Variants in MTHFS observed in about 807,000 individuals in gnomAD.
The protein encoded by MTHFS is 5-formyltetrahydrofolate cyclo-ligase.
In MTHFS, 7 loss-of-function variants were observed where a neutral mutation model predicts 12.7. The ratio of observed to expected loss-of-function variants is 0.55; its 90% confidence interval spans 0.31 to 1.03. The LOEUF is 1.03. MTHFS is among the 50% of genes least tolerant of loss of function. MTHFS has a pLI of 0.05. For missense variants in MTHFS, 252 were observed against 258.1 expected (o/e 0.98, Z 0.16); for synonymous variants, 100 against 97.1 (o/e 1.03, Z -0.18).
chr15:79,886,641 A>ATATGT (rs1352891019), intron 2 of MTHFS, among the ~76,000 whole-genome samples: 2 of 152,082 alleles, frequency 1.3e-5, no homozygotes, highest in Non-Finnish European at 2.9e-5. Context: ...TGTTTTTAAT[A>ATATGT]TTCAGTATCT....
chr15:79,860,571 A>G (rs2033894750), intron 2 of MTHFS, among the ~76,000 whole-genome samples: 1 of 152,236 alleles, frequency 6.6e-6, no homozygotes, highest in South Asian at 2.1e-4. Flanking sequence ...TAGAAAGGTT[A>G]AAAAACATTT....
intron 2 of MTHFS, among the ~76,000 whole-genome samples, chr15:79,878,400 A>G (rs965353088): frequency 6.6e-6 from 1 of 151,558 alleles, no homozygotes. Flanking sequence ...CACTGGCGCA[A>G]AGCAAAAGCA....
At chr15:79,881,374 G>C (rs1323086793) in intron 2 of MTHFS, among the ~76,000 whole-genome samples, 1 of 152,102 alleles carries the variant, frequency 6.6e-6, no homozygotes, top group African/African-American at 2.4e-5. Flanking sequence ...AATCTTAATG[G>C]GCTGGGAGTT....
intron 1 of MTHFS, among the ~76,000 whole-genome samples, chr15:79,893,192 CAGG>C (rs1567000319): frequency 6.6e-6 from 1 of 151,708 alleles, no homozygotes; most frequent in Non-Finnish European, 1.5e-5. Flanking sequence ...ATCATGAGGT[CAGG>C]AGTTCAACAT....
chr15:79,844,309 A>G lies in MTHFS; in HGVS notation c.*901T>C, dbSNP rs1286635805. The G allele has an allele frequency of 1.3e-5, 2 of 152,286 alleles. No individual in the cohort carries two copies. Among genetic ancestry groups the G allele is most frequent in the Non-Finnish European group, 1.5e-5 (1 of 68,050 alleles). 9.4% of individuals were successfully genotyped at this position (152,286 alleles called of 1,614,324 possible). A position where few individuals can be genotyped will look rare whatever the true frequency, so the allele number is the denominator to read the frequency against. The stretch of plus-strand genomic sequence containing the variant: ...GCTTAGAAATGCTAAAAGGCTGGAC[A>G]AAAGGAGTGACAGGAAAATTGAAAG... On this transcript the variant is annotated 3_prime_UTR_variant, in exon 3 of 3. Coordinates refer to ENST00000258874, the MANE Select transcript of MTHFS (RefSeq NM_006441.4).
intron 2 of MTHFS, among the ~76,000 whole-genome samples, chr15:79,886,516 G>A (rs1054823936): frequency 9.2e-5 from 14 of 151,854 alleles, no homozygotes; most frequent in African/African-American, 3.4e-4. Flanking sequence ...AAAGCCACTG[G>A]TACTACAAAT....
At chr15:79,874,180 A>G (rs1235836405) in intron 2 of MTHFS, among the ~76,000 whole-genome samples, 1 of 152,214 alleles carries the variant, frequency 6.6e-6, no homozygotes, top group Non-Finnish European at 1.5e-5. Flanking sequence ...GCTCCTTAAT[A>G]AAACCAGCAA....
chr15:79,892,344 G>C (rs2141379889), intron 1 of MTHFS, among the ~76,000 whole-genome samples: 1 of 152,262 alleles, frequency 6.6e-6, no homozygotes, highest in Admixed American at 6.5e-5. Context: ...TTTTCAAAAA[G>C]AGAGTGGATT....
At chr15:79,861,785 GAA>G (rs1172228003) in intron 2 of MTHFS, among the ~76,000 whole-genome samples, 1 of 152,186 alleles carries the variant, frequency 6.6e-6, no homozygotes, top group African/African-American at 2.4e-5. Flanking sequence ...GTGTTGCTAT[GAA>G]AAGAGTTCTA....
At chr15:79,867,490 C>T (rs973231810) in intron 2 of MTHFS, among the ~76,000 whole-genome samples, 7 of 151,922 alleles carry the variant, frequency 4.6e-5, no homozygotes, top group Admixed American at 2.0e-4. Flanking sequence ...AGATATTTTT[C>T]TGTAATCCAG....
chr15:79,862,447 G>C (rs1348752032), intron 2 of MTHFS, among the ~76,000 whole-genome samples: 1 of 152,136 alleles, frequency 6.6e-6, no homozygotes, highest in African/African-American at 2.4e-5. Context: ...TTTGCAAGGA[G>C]AAACTGAAAA....
chr15:79,858,130 T>C (rs1596065476), intron 2 of MTHFS, among the ~76,000 whole-genome samples: 1 of 151,980 alleles, frequency 6.6e-6, no homozygotes, highest in Admixed American at 6.6e-5. Context: ...CAATAGTCAT[T>C]ACTAATGACT....
intron 2 of MTHFS, among the ~76,000 whole-genome samples, chr15:79,874,790 C>T (rs2034161607): frequency 6.6e-6 from 1 of 152,130 alleles, no homozygotes; most frequent in African/African-American, 2.4e-5. Flanking sequence ...AGCGATATTT[C>T]TCCTATTCGC....
At chr15:79,869,550 T>G (rs2034068354) in intron 2 of MTHFS, among the ~76,000 whole-genome samples, 1 of 152,080 alleles carries the variant, frequency 6.6e-6, no homozygotes, top group South Asian at 2.1e-4. Flanking sequence ...TCCTCTCACC[T>G]CAGCCTCCCA....
intron 2 of MTHFS, among the ~76,000 whole-genome samples, chr15:79,855,687 G>A (rs1258297523): frequency 6.6e-6 from 1 of 151,998 alleles, no homozygotes; most frequent in Non-Finnish European, 1.5e-5. Flanking sequence ...TCCTCAAGGA[G>A]GCCTCAGTGT....
chr15:79,875,205 T>C (rs1352153429), intron 2 of MTHFS, among the ~76,000 whole-genome samples: 1 of 151,926 alleles, frequency 6.6e-6, no homozygotes. Flanking sequence ...CTTCACAATT[T>C]ATGTTCTTCT....
chr15:79,845,135 T>G lies in MTHFS; in HGVS notation c.*75A>C. 1 of 1,554,574 alleles carries G rather than the reference T, an allele frequency of 6.4e-7. No individual in the cohort carries two copies. Among genetic ancestry groups the G allele is most frequent in the Non-Finnish European group, 8.7e-7 (1 of 1,147,860 alleles). On this transcript the variant is annotated 3_prime_UTR_variant, in exon 3 of 3. Transcript: ENST00000258874. ...TTAATGAACAATTTCAACTAATTTT[T>G]GACAAGGGAAAAATACACATACTTT...
intron 2 of MTHFS, among the ~76,000 whole-genome samples, chr15:79,858,015 CAAAAAAA>C (rs71453466): frequency 0.02 from 1,161 of 59,478 alleles, 20 homozygotes; most frequent in African/African-American, 0.06. Flanking sequence ...GACTCCATCT[CAAAAAAA>C]AAAAAAAAAA....
At chr15:79,869,508 C>A (rs995753629) in intron 2 of MTHFS, among the ~76,000 whole-genome samples, 3 of 152,164 alleles carry the variant, frequency 2.0e-5, no homozygotes, top group African/African-American at 7.2e-5. Flanking sequence ...AAGCATAGCT[C>A]TCTGCAACCT....
Sources: allele counts gnomAD v4.1 joint callset (sites outside exome capture counted in the v4.1 genomes callset), GRCh38; gene constraint gnomAD v4.1.1; transcripts MANE v1.5; gene names NCBI Gene and HGNC (gene_info 2026-07-23, HGNC 2026-07-21).